Variants in NOVA1 observed in about 807,000 individuals in gnomAD.
The protein encoded by NOVA1 is RNA-binding protein Nova-1.
Under a neutral mutation model 38.0 loss-of-function variants are expected in NOVA1, and 7 were observed. That is an observed-to-expected ratio of 0.18 (90% CI 0.10 to 0.35). The LOEUF is 0.35. Ranked by LOEUF, NOVA1 falls within the 10% of genes least tolerant of loss-of-function variation. The pLI is 1.00. For missense variants in NOVA1, 460 were observed against 616.0 expected, an observed-to-expected ratio of 0.75 and a Z score of 2.68; for synonymous variants, 270 against 232.5, an observed-to-expected ratio of 1.16 and a Z score of -1.47.
rs1886212780 is a variant in NOVA1, at chr14:26,489,987, G to A, written c.281-9844C>T. 3.3e-5 allele frequency among the ~76,000 whole-genome samples: 5 copies of A among 151,062 alleles called. No homozygotes were observed. In the South Asian group the frequency reaches 1.0e-3, roughly 31 times the overall value. On this transcript the variant is annotated intron_variant, in intron 2 of 4. Transcript: ENST00000539517. ...CAAAAGTTTTTCATTATCACAAACTGTAACTCTAACCATTAAGAAATAAAT... is the reference window on the plus strand; with the variant it reads ...CAAAAGTTTTTCATTATCACAAACTATAACTCTAACCATTAAGAAATAAAT...
intron 4 of NOVA1, among the ~76,000 whole-genome samples, chr14:26,450,382 T>TACACACACAC (rs149590260): frequency 1.3e-5 from 2 of 149,814 alleles, no homozygotes; most frequent in South Asian, 2.1e-4. Context: ...ACACATATAA[T>TACACACACAC]ACACACACAC....
In NOVA1 at chr14:26,448,873, A is replaced by G. The variant is rs1252510996; in HGVS notation, c.610T>C (p.Trp204Arg). The change falls in exon 5 of 5, where the codon TGG becomes CGG. Residue 204 changes from tryptophan (W) to arginine (R), a missense_variant. By Grantham distance (101) the Trp-to-Arg change is moderately radical. Coordinates refer to ENST00000539517, the MANE Select transcript of NOVA1 (RefSeq NM_002515.3). This position sits in a 1 kb window ranked among gnomAD's most constrained non-coding sequence, Gnocchi z 5.3. ...VKAVMEQSGA[W>R]VQLSQKPDGI... ...TCAGGTTTCTGGGAAAGCTGCACCC[A>G]AGCCCCTGACTGCTCCATTACAGCC... 6.2e-7 allele frequency: 1 copy of G among 1,614,026 alleles called. No homozygotes were observed. The highest frequency in any genetic ancestry group is 1.7e-5 in the Admixed American group (1 of 59,994).
intron 2 of NOVA1, among the ~76,000 whole-genome samples, chr14:26,547,859 A>C (rs1890892403): frequency 6.6e-6 from 1 of 152,112 alleles, no homozygotes; most frequent in Non-Finnish European, 1.5e-5. Flanking sequence ...TTACTTCTTT[A>C]GTGCTTTGAC....
intron 4 of NOVA1, among the ~76,000 whole-genome samples, chr14:26,449,211 G>C (rs77161371): frequency 6.6e-6 from 1 of 151,894 alleles, no homozygotes; most frequent in South Asian, 2.1e-4. Context: ...TTGAGTCACT[G>C]TGAATTTTGC....
chr14:26,455,716 T>C (rs1883116241), intron 4 of NOVA1, among the ~76,000 whole-genome samples: 1 of 151,932 alleles, frequency 6.6e-6, no homozygotes, highest in Non-Finnish European at 1.5e-5. Flanking sequence ...AAAAAAAATC[T>C]ATGCTTTCTA....
chr14:26,574,023 CTTTTTTT>C (rs780944723), intron 2 of NOVA1, among the ~76,000 whole-genome samples: 1 of 121,084 alleles, frequency 8.3e-6, no homozygotes, highest in Non-Finnish European at 1.7e-5. Context: ...AAAGATTACA[CTTTTTTT>C]TTTTTTTTTT....
At chr14:26,449,993 C>T (rs1373324343) in intron 4 of NOVA1, among the ~76,000 whole-genome samples, 2 of 152,040 alleles carry the variant, frequency 1.3e-5, no homozygotes, top group African/African-American at 2.4e-5. Flanking sequence ...TAAATAGTAA[C>T]ATTTAAAATT....
chr14:26,511,459 G>A (rs1888076474), intron 2 of NOVA1, among the ~76,000 whole-genome samples: 1 of 152,040 alleles, frequency 6.6e-6, no homozygotes, highest in Non-Finnish European at 1.5e-5. Flanking sequence ...TTTGCAGATA[G>A]GGTATTAATT....
rs183185206 is a variant in NOVA1, at chr14:26,558,166, T to C, written c.280+37244A>G. On this transcript the variant is annotated intron_variant, in intron 2 of 4. Coordinates refer to ENST00000539517, the MANE Select transcript of NOVA1 (RefSeq NM_002515.3). ...GTAGAAAACAGGGAGGTTTTCTTTT[T>C]ACAAATCTTATATATATATATATGA... Among the ~76,000 whole-genome samples the C allele has an allele frequency of 6.7e-4, 102 of 152,116 alleles. 1 individual carries two copies. Among genetic ancestry groups the C allele is most frequent in the African/African-American group, 2.3e-3 (95 of 41,498 alleles).
chr14:26,547,357 C>T (rs975868899), intron 2 of NOVA1, among the ~76,000 whole-genome samples: 1 of 151,734 alleles, frequency 6.6e-6, no homozygotes, highest in East Asian at 1.9e-4. Context: ...ACTGAAACAC[C>T]GACAGTTTAT....
At chr14:26,561,599 T>C (rs1406141484) in intron 2 of NOVA1, among the ~76,000 whole-genome samples, 1 of 152,158 alleles carries the variant, frequency 6.6e-6, no homozygotes, top group African/African-American at 2.4e-5. Context: ...ATAGAAAAAT[T>C]ACACAAAACA....
At chr14:26,538,470 T>C (rs1437448289) in intron 2 of NOVA1, among the ~76,000 whole-genome samples, 1 of 152,152 alleles carries the variant, frequency 6.6e-6, no homozygotes, top group Admixed American at 6.5e-5. Context: ...TGGAAAAGTT[T>C]ATGTCGATTA....
At chr14:26,506,586 C>CT (rs894984022) in intron 2 of NOVA1, among the ~76,000 whole-genome samples, 13 of 151,364 alleles carry the variant, frequency 8.6e-5, no homozygotes, top group South Asian at 6.3e-4. Flanking sequence ...AACAACTGTT[C>CT]TTTTTTTTTG....
At chr14:26,455,443 A>C (rs2138584116) in intron 4 of NOVA1, among the ~76,000 whole-genome samples, 1 of 152,238 alleles carries the variant, frequency 6.6e-6, no homozygotes, top group South Asian at 2.1e-4. Context: ...CATCATCTAT[A>C]AAATCAGGCA....
At chr14:26,555,336 T>C (rs1891413831) in intron 2 of NOVA1, among the ~76,000 whole-genome samples, 2 of 152,148 alleles carry the variant, frequency 1.3e-5, no homozygotes, top group Admixed American at 1.3e-4. Flanking sequence ...GATTAAATTA[T>C]GCATGGCCTT....
rs182794770 is a variant in NOVA1, at chr14:26,476,041, C to A, written c.448-3650G>T. Among the ~76,000 whole-genome samples the A allele has an allele frequency of 1.3e-3, 198 of 152,288 alleles. 1 individual carries two copies. The highest frequency in any genetic ancestry group is 4.5e-3 in the African/African-American group (187 of 41,572). On this transcript the variant is annotated intron_variant, in intron 3 of 4. Coordinates refer to ENST00000539517, the MANE Select transcript of NOVA1 (RefSeq NM_002515.3). Reference sequence around the variant, plus strand: ...GTAACATTACTGAAGTAATCACCTTCCCAATCCCCTATTTTGAGTTCTGTT... The same window carrying A: ...GTAACATTACTGAAGTAATCACCTTACCAATCCCCTATTTTGAGTTCTGTT...
In NOVA1 at chr14:26,446,830, T is replaced by C. The variant is rs1327286810; in HGVS notation, c.*1129A>G. ...TTCTAAATAAGCATGCAGGAAATAC[T>C]GTCTGGTTGGTGACATAAAAATGCT... is the stretch of plus-strand genomic sequence containing the variant. On this transcript the variant is annotated 3_prime_UTR_variant, in exon 5 of 5. Transcript: ENST00000539517. 6.5e-6 allele frequency: 1 copy of C among 152,672 alleles called. No individual in the cohort carries two copies. Among genetic ancestry groups the C allele is most frequent in the Non-Finnish European group, 1.5e-5 (1 of 68,052 alleles). The allele number at this position is 152,672 out of a possible 1,614,324, so 9.5% of individuals were successfully genotyped here.
chr14:26,496,738 T>A (rs1243903318), intron 2 of NOVA1, among the ~76,000 whole-genome samples: 4 of 152,200 alleles, frequency 2.6e-5, no homozygotes, highest in Non-Finnish European at 4.4e-5. Flanking sequence ...CAGCACCATT[T>A]ATTAAATAGG....
intron 4 of NOVA1, among the ~76,000 whole-genome samples, chr14:26,470,876 T>C (rs1884534964): frequency 6.6e-6 from 1 of 152,062 alleles, no homozygotes; most frequent in Admixed American, 6.5e-5. Context: ...GACTGAACAA[T>C]AAAGTACAAA....
Sources: allele counts gnomAD v4.1 joint callset (sites outside exome capture counted in the v4.1 genomes callset), GRCh38; gene constraint gnomAD v4.1.1; non-coding constraint Gnocchi (gnomAD v3.1); transcripts MANE v1.5; gene names NCBI Gene and HGNC (gene_info 2026-07-23, HGNC 2026-07-21).